The following FAM135A variants were observed in gnomAD, a reference collection of about 807,000 sequenced individuals.
FAM135A encodes family with sequence similarity 135 member A.
A neutral mutation model predicts 146.8 loss-of-function variants in FAM135A; 79 were observed. That is an observed-to-expected ratio of 0.54 (90% CI 0.45 to 0.65). The LOEUF is 0.65. Ranked by LOEUF, FAM135A falls within the 30% of genes least tolerant of loss-of-function variation. The probability of loss-of-function intolerance (pLI) is 0.00; values close to 1 mark genes in which losing one functional copy is unlikely to be tolerated. For missense variants in FAM135A, 1,623 were observed against 1,758.2 expected (o/e 0.92, Z 1.38); for synonymous variants, 562 against 603.6 (o/e 0.93, Z 1.01).
intron 20 of FAM135A, among the ~76,000 whole-genome samples, chr6:70,556,182 G>A (rs1035782964): frequency 6.6e-6 from 1 of 152,108 alleles, no homozygotes; most frequent in African/African-American, 2.4e-5. Flanking sequence ...CCAGGAGGCA[G>A]AGGTTGCAGT....
At chr6:70,536,153 A>C in intron 18 of FAM135A, 107 bp from the exon 19 acceptor site, 12 of 1,062,504 alleles carry the variant, frequency 1.1e-5, no homozygotes, top group Non-Finnish European at 1.6e-5. Context: ...ACAACATTAG[A>C]AATTTTCAAA....
chr6:70,530,598 A>C (rs1795612693), intron 16 of FAM135A, among the ~76,000 whole-genome samples: 1 of 152,100 alleles, frequency 6.6e-6, no homozygotes. Context: ...ATGTGGAAAA[A>C]TAAATTTGCC....
chr6:70,462,533 G>T (rs1779626982), intron 5 of FAM135A, among the ~76,000 whole-genome samples: 1 of 151,956 alleles, frequency 6.6e-6, no homozygotes, highest in Admixed American at 6.6e-5. Context: ...ATAATGTGTG[G>T]GGAAGGTCTT....
intron 10 of FAM135A, among the ~76,000 whole-genome samples, chr6:70,483,066 A>G (rs1373918514): frequency 1.3e-5 from 2 of 152,160 alleles, no homozygotes; most frequent in Non-Finnish European, 2.9e-5. Context: ...GTTCCAGAAC[A>G]TAGTTCTTGG....
chr6:70,489,869 C>T (rs1300714128), intron 10 of FAM135A, among the ~76,000 whole-genome samples: 1 of 152,110 alleles, frequency 6.6e-6, no homozygotes, highest in Non-Finnish European at 1.5e-5. Context: ...GAGGAGTGCA[C>T]ATGCTTCAGG....
chr6:70,441,786 G>A (rs1774550482), intron 4 of FAM135A, among the ~76,000 whole-genome samples: 1 of 151,286 alleles, frequency 6.6e-6, no homozygotes, highest in Non-Finnish European at 1.5e-5. Context: ...CTGGGTTCAA[G>A]CGATTCTCCT....
chr6:70,441,788 G>A (rs1481142463), intron 4 of FAM135A, among the ~76,000 whole-genome samples: 3 of 151,262 alleles, frequency 2.0e-5, no homozygotes, highest in Admixed American at 1.3e-4. Context: ...GGGTTCAAGC[G>A]ATTCTCCTGC....
intron 5 of FAM135A, among the ~76,000 whole-genome samples, chr6:70,471,122 T>C (rs899353505): frequency 1.3e-5 from 2 of 152,236 alleles, no homozygotes; most frequent in Non-Finnish European, 2.9e-5. Context: ...CCAGTCAAGA[T>C]AGCTGTTTGT....
At chr6:70,527,579 A>G (rs1324545138) in intron 15 of FAM135A, among the ~76,000 whole-genome samples, 1 of 152,120 alleles carries the variant, frequency 6.6e-6, no homozygotes. Flanking sequence ...TAGACTTTAT[A>G]TATTTTTGGC....
chr6:70,451,711 G>A (rs146758490), intron 4 of FAM135A, among the ~76,000 whole-genome samples: 131 of 151,748 alleles, frequency 8.6e-4, no homozygotes, highest in Non-Finnish European at 1.1e-3. Context: ...ATCTGAAACC[G>A]CTCTCTAGGA....
rs900404769 is a variant in FAM135A at position 70,452,655 on chromosome 6, G to A, written c.157+84G>A. 76 of 914,140 alleles carry A rather than the reference G, an allele frequency of 8.3e-5. No homozygotes were observed. In the African/African-American group the frequency reaches 1.2e-3, roughly 15 times the overall value. The allele number at this position is 914,140 out of a possible 1,614,324, so 56.6% of individuals were successfully genotyped here. On this transcript the variant is annotated intron_variant, in intron 5 of 21. Transcript: ENST00000418814. ...TAAAGTTTTTTCATTACAGATATAA[G>A]ATACCTGTAATGGTATAACATCATT...
At chr6:70,452,333 G>A (rs2128039733) in intron 4 of FAM135A, among the ~76,000 whole-genome samples, 159 bp from the exon 5 acceptor site, 1 of 151,896 alleles carries the variant, frequency 6.6e-6, no homozygotes, top group South Asian at 2.1e-4. Context: ...TATTTGATAT[G>A]TAAGCCTGAT....
intron 4 of FAM135A, among the ~76,000 whole-genome samples, chr6:70,445,429 G>A (rs549858537): frequency 3.3e-5 from 5 of 152,316 alleles, no homozygotes; most frequent in African/African-American, 1.2e-4. Flanking sequence ...AAAATGTAGA[G>A]GTGCGGAGTG....
At chr6:70,413,872 G>A (rs1040321006) in intron 1 of FAM135A, 170 bp downstream of exon 1, 55 of 985,290 alleles carry the variant, frequency 5.6e-5, no homozygotes, top group Non-Finnish European at 6.5e-5. Flanking sequence ...CCCCGGCCCC[G>A]TTGAAGGTCG....
Position 70,482,200 on chromosome 6 carries a change from CTT to C in FAM135A, c.823+47_823+48del, listed in dbSNP as rs770918600. The C allele has an allele frequency of 1.1e-5, 18 of 1,591,140 alleles. No homozygotes were observed. The South Asian group carries it at 2.0e-4, about 18-fold the overall frequency. ...CTTATTCTACAGTTCAAATCATTCTCTTCAGTCTTATATTGCTAGCTATCAGC... is the reference window on the plus strand; with the variant it reads ...CTTATTCTACAGTTCAAATCATTCTCCAGTCTTATATTGCTAGCTATCAGC... On this transcript the variant is annotated intron_variant, in intron 10 of 21. Transcript: ENST00000418814.
chr6:70,414,794 G>A (rs1767180115), intron 1 of FAM135A, among the ~76,000 whole-genome samples: 1 of 152,112 alleles, frequency 6.6e-6, no homozygotes, highest in African/African-American at 2.4e-5. Context: ...TGTTTACCTG[G>A]CATGCCTGGG....
rs568236977 is a variant in FAM135A at position 70,534,077 on chromosome 6, G to A, written c.3965+223G>A. ...ATAGGTTAGTGTTTGCTTAGAGCTG[G>A]GGAAGATGGGGGATGGTGGGGATAA... is the stretch of plus-strand genomic sequence containing the variant. On this transcript the variant is annotated intron_variant, in intron 18 of 21. Transcript: ENST00000418814. Among the ~76,000 whole-genome samples the A allele has an allele frequency of 1.4e-4, 21 of 152,028 alleles. No homozygotes were observed. The South Asian group carries it at 4.4e-3, about 32-fold the overall frequency.
intron 1 of FAM135A, chr6:70,414,103 G>T: frequency 1.1e-6 from 1 of 947,876 alleles, no homozygotes; most frequent in African/African-American, 1.8e-5. Flanking sequence ...CGCCTCCCAC[G>T]TGTCTTTTTG....
Position 70,525,355 on chromosome 6 carries a change from T to C in FAM135A, c.2271T>C (p.Asp757=). The change falls in exon 15 of 22, where the codon GAT becomes GAC. Residue 757 remains aspartate (D), a synonymous_variant. Transcript: ENST00000418814. Reference sequence around the variant, plus strand: ...GTGGAGATACAATTAAGTTACCAGATATTAGTGCCACATATGCCTCATCTA... The same window carrying C: ...GTGGAGATACAATTAAGTTACCAGACATTAGTGCCACATATGCCTCATCTA... ...VVSGDTIKLP[D]ISATYASSRF... The C allele has an allele frequency of 1.9e-6, 3 of 1,613,538 alleles. No homozygotes were observed. Among genetic ancestry groups the C allele is most frequent in the Non-Finnish European group, 2.5e-6 (3 of 1,179,672 alleles).
Sources: gnomAD v4.1 joint callset for allele counts (sites outside exome capture counted in the v4.1 genomes callset) on GRCh38, gnomAD v4.1.1 for gene constraint, MANE v1.5 for transcripts, NCBI Gene and HGNC (gene_info 2026-07-23, HGNC 2026-07-21) for gene names.